Variants in ATP7A observed in about 807,000 individuals in gnomAD.
The protein encoded by ATP7A is copper-transporting ATPase 1.
ATP7A carries 7 observed loss-of-function variants against 83.5 expected under a neutral mutation model. The observed-to-expected ratio is 0.08, with a 90% CI of 0.05 to 0.16. ATP7A has a LOEUF of 0.16. Ranked by LOEUF, ATP7A falls within the 10% of genes least tolerant of loss-of-function variation. ATP7A has a pLI of 1.00. For synonymous variants in ATP7A, 354 were observed against 395.2 expected, an observed-to-expected ratio of 0.90 and a Z score of 1.24; for missense variants, 940 against 1,120.8, an observed-to-expected ratio of 0.84 and a Z score of 2.30.
intron 15 of ATP7A, 89 bp from the exon 16 acceptor site, chrX:78,031,311 T>C: frequency 2.2e-6 from 2 of 910,316 alleles, no homozygotes; most frequent in South Asian, 4.1e-5. Flanking sequence ...AACTAAATAG[T>C]CATCTCTTTG....
chrX:77,960,897 C>T (rs782411728), intron 1 of ATP7A, among the ~76,000 whole-genome samples: 2 of 111,457 alleles, frequency 1.8e-5, no homozygotes, highest in Non-Finnish European at 3.8e-5. Context: ...TTTTCTGAGT[C>T]ATTTTGCTAA....
At chrX:77,936,235 G>A (rs2077319051) in intron 1 of ATP7A, among the ~76,000 whole-genome samples, 1 of 111,703 alleles carries the variant, frequency 9.0e-6, no homozygotes, top group African/African-American at 3.3e-5. Flanking sequence ...CTCTTCTCTT[G>A]GAAATGGACC....
intron 16 of ATP7A, among the ~76,000 whole-genome samples, chrX:78,032,168 A>G (rs1557237148): frequency 1.8e-5 from 2 of 111,701 alleles, no homozygotes; most frequent in African/African-American, 3.3e-5. Context: ...TTGCTTTTTT[A>G]TTTTATTAAG....
chrX:78,013,060 C>T lies in ATP7A; in HGVS notation c.2354C>T (p.Pro785Leu), dbSNP rs1019291946. ...CCTATTACTTTCTTTGACACACCCC[C>T]TATGCTGTTTGTGTTTATTGCACTA... ...VNPITFFDTP[P>L]MLFVFIALGR... The change falls in exon 10 of 23, where the codon CCT becomes CTT. Residue 785 changes from proline to leucine, a missense_variant. Physicochemically the swap from Pro to Leu is moderately conservative, Grantham distance 98 (BLOSUM62 -3). This residue lies in a region of ATP7A where 204 missense variants were observed against 185.8 expected (regional missense o/e 1.10). Transcript: ENST00000341514. 8.3e-7 allele frequency: 1 copy of T among 1,211,184 alleles called. No homozygotes were observed. Among genetic ancestry groups the T allele is most frequent in the Non-Finnish European group, 1.1e-6 (1 of 895,112 alleles).
chrX:78,007,705 C>G (rs2077786711), intron 6 of ATP7A, among the ~76,000 whole-genome samples: 1 of 112,058 alleles, frequency 8.9e-6, no homozygotes, highest in Non-Finnish European at 1.9e-5. Context: ...AGATACAAGT[C>G]CCTTATCTGA....
intron 2 of ATP7A, among the ~76,000 whole-genome samples, chrX:77,974,479 CT>C (rs1233317963): frequency 3.4e-3 from 364 of 107,362 alleles, no homozygotes; most frequent in Admixed American, 7.0e-3. Context: ...GTCTGTATAT[CT>C]TTTTTTTTTC....
chrX:78,040,207 C>T (rs1200797821), intron 18 of ATP7A, among the ~76,000 whole-genome samples: 1 of 102,891 alleles, frequency 9.7e-6, no homozygotes, highest in East Asian at 3.3e-4. Context: ...CTGCCCCCCC[C>T]CCCTTACCTT....
chrX:78,011,161 C>T lies in ATP7A; in HGVS notation c.1870-15C>T, dbSNP rs2149094910. The T allele has an allele frequency of 8.4e-7, 1 of 1,196,295 alleles. No homozygotes were observed. The highest frequency in any genetic ancestry group is 1.1e-6 in the Non-Finnish European group (1 of 882,214). On this transcript the variant is annotated splice_polypyrimidine_tract_variant and intron_variant, in intron 7 of 22. Coordinates refer to ENST00000341514, the MANE Select transcript of ATP7A (RefSeq NM_000052.7). ...ATGTTCAGTGAAATAATTTTTTTCTCATGAATTTCCTTAGAGCTTAGGTTT... is the reference window on the plus strand; with the variant it reads ...ATGTTCAGTGAAATAATTTTTTTCTTATGAATTTCCTTAGAGCTTAGGTTT...
At chrX:78,026,980 C>T (rs910737737) in intron 14 of ATP7A, among the ~76,000 whole-genome samples, 8 of 110,719 alleles carry the variant, frequency 7.2e-5, no homozygotes, top group African/African-American at 2.6e-4. Context: ...GAAACCCTAT[C>T]TCTACTAAAA....
At chrX:77,978,825 T>C (rs144738565) in intron 2 of ATP7A, among the ~76,000 whole-genome samples, 3,907 of 111,206 alleles carry the variant, frequency 0.035, 77 homozygotes, top group Middle Eastern at 0.065. Context: ...TAACTTGTGA[T>C]TTAAATTTTT....
chrX:78,045,276 C>T (rs1557238956), intron 21 of ATP7A, among the ~76,000 whole-genome samples, 194 bp from the exon 22 acceptor site: 1 of 111,090 alleles, frequency 9.0e-6, no homozygotes, highest in Non-Finnish European at 1.9e-5. Flanking sequence ...AACATGGACA[C>T]GGGGAGACAT....
rs782058186 is a variant in ATP7A at position 77,928,866 on chromosome X, T to G, written c.-22+18031T>G. Among the ~76,000 whole-genome samples, 3 of 112,008 alleles carry G rather than the reference T, an allele frequency of 2.7e-5. No homozygotes were observed. In the South Asian group the frequency reaches 1.1e-3, roughly 42 times the overall value. On this transcript the variant is annotated intron_variant, in intron 1 of 22. Transcript: ENST00000341514. ...ATGTGCTAGGCCGTCAATGGGTAAT[T>G]CTTTTCTTGATGATGCAATGTTAAG...
In ATP7A at chrX:78,036,978, G is replaced by A. The variant is rs782325392; in HGVS notation, c.3512-1858G>A. Among the ~76,000 whole-genome samples, 10 of 111,787 alleles carry A rather than the reference G, an allele frequency of 8.9e-5. No individual in the cohort carries two copies. In the East Asian group the frequency reaches 2.0e-3, roughly 22 times the overall value. On this transcript the variant is annotated intron_variant, in intron 17 of 22. Coordinates refer to ENST00000341514, the MANE Select transcript of ATP7A (RefSeq NM_000052.7). ...TTCTCATGGGTTGGATATATATGGC[G>A]TATGAGACAAACAGGAGTCAAGAAT...
At chrX:77,952,060 A>G (rs886352022) in intron 1 of ATP7A, among the ~76,000 whole-genome samples, 4 of 111,605 alleles carry the variant, frequency 3.6e-5, no homozygotes, top group Admixed American at 1.9e-4. Flanking sequence ...ATAATATTTG[A>G]TTGCCTTGCT....
chrX:77,962,222 G>C (rs2077477911), intron 1 of ATP7A, among the ~76,000 whole-genome samples: 1 of 111,780 alleles, frequency 8.9e-6, no homozygotes. Flanking sequence ...ATAGGGTCTA[G>C]AGGCAGGAAC....
At chrX:78,039,494 G>A (rs1022345902) in intron 18 of ATP7A, among the ~76,000 whole-genome samples, 5 of 110,224 alleles carry the variant, frequency 4.5e-5, no homozygotes, top group South Asian at 3.9e-4. Context: ...CACCATGCCC[G>A]GCTAATTGTT....
intron 22 of ATP7A, 50 bp from the exon 23 acceptor site, chrX:78,046,244 C>G: frequency 8.5e-7 from 1 of 1,178,201 alleles, no homozygotes; most frequent in Non-Finnish European, 1.2e-6. Flanking sequence ...TAGCGAGCAT[C>G]TCATTTACTT....
rs2078085567 is a variant in ATP7A, at chrX:78,046,696, G to A, written c.*126G>A. 1.1e-6 allele frequency: 1 copy of A among 945,767 alleles called. No homozygotes were observed. The highest frequency in any genetic ancestry group is 2.3e-5 in the Admixed American group (1 of 43,829). 77.9% of individuals were successfully genotyped at this position (945,767 alleles called of 1,213,427 possible). On this transcript the variant is annotated 3_prime_UTR_variant, in exon 23 of 23. Coordinates refer to ENST00000341514, the MANE Select transcript of ATP7A (RefSeq NM_000052.7). ...TGCTCTTATATTAGGGATTCTATTTGAGTTGCGTTTATCTGTTGGCAAAAA... is the reference window on the plus strand; with the variant it reads ...TGCTCTTATATTAGGGATTCTATTTAAGTTGCGTTTATCTGTTGGCAAAAA...
At chrX:77,965,388 A>G (rs782642685) in intron 1 of ATP7A, 7 of 321,394 alleles carry the variant, frequency 2.2e-5, no homozygotes, top group South Asian at 1.6e-4. Context: ...TCGAAGATAT[A>G]CAAATACCCA....
Sources: gnomAD v4.1 joint callset for allele counts (sites outside exome capture counted in the v4.1 genomes callset) on GRCh38, gnomAD v4.1.1 for gene constraint, gnomAD v4.1.1 regional missense constraint, MANE v1.5 for transcripts, NCBI Gene and HGNC (gene_info 2026-07-23, HGNC 2026-07-21) for gene names.